The following MTOR variants were observed in gnomAD, a reference collection of about 807,000 sequenced individuals.
MTOR encodes serine/threonine-protein kinase mTOR.
A neutral mutation model predicts 319.8 loss-of-function variants in MTOR; 70 were observed. The ratio of observed to expected loss-of-function variants is 0.22; its 90% CI spans 0.18 to 0.27. MTOR has a LOEUF of 0.27. Ranked by LOEUF, MTOR falls within the 10% of genes least tolerant of loss-of-function variation. The pLI, the probability that MTOR is intolerant of heterozygous loss-of-function variation, is 1.00. For synonymous variants in MTOR, 1,183 were observed against 1,211.4 expected, an observed-to-expected ratio of 0.98 and a Z score of 0.49; for missense variants, 1,890 against 3,274.4, an observed-to-expected ratio of 0.58 and a Z score of 10.32.
intron 26 of MTOR, among the ~76,000 whole-genome samples, chr1:11,203,796 CCTTT>C (rs1194061520): frequency 1.3e-5 from 2 of 152,228 alleles, no homozygotes; most frequent in African/African-American, 4.8e-5. Flanking sequence ...ATGTCTTCTT[CCTTT>C]GAGCCTGACT....
At chr1:11,202,211 CGA>C (rs780829211) in intron 26 of MTOR, among the ~76,000 whole-genome samples, 1 of 151,940 alleles carries the variant, frequency 6.6e-6, no homozygotes, top group African/African-American at 2.4e-5. Context: ...GGGCAGATTG[CGA>C]GGTCAGGAGA....
chr1:11,210,674 T>C, intron 24 of MTOR, 140 bp downstream of exon 24: 3 of 609,248 alleles, frequency 4.9e-6, no homozygotes, highest in Non-Finnish European at 8.6e-6. Flanking sequence ...AGAGACCACA[T>C]AGTCTACAAA....
chr1:11,187,982 G>GA lies in MTOR; in HGVS notation c.4253+11275dup, dbSNP rs373610043. On this transcript the variant is annotated intron_variant, in intron 28 of 57. Coordinates refer to ENST00000361445, the MANE Select transcript of MTOR (RefSeq NM_004958.4). Reference sequence around the variant, plus strand: ...ATCCTCCACTGCTTTTTGATTCTGAGAAAAAAAAAAATTGTTCAGTAACTC... The same window carrying GA: ...ATCCTCCACTGCTTTTTGATTCTGAGAAAAAAAAAAAATTGTTCAGTAACTC... Among the ~76,000 whole-genome samples the GA allele has an allele frequency of 8.7e-3, 1,286 of 148,206 alleles. 17 individuals carry two copies. Among genetic ancestry groups the GA allele is most frequent in the African/African-American group, 0.029 (1,187 of 40,710 alleles).
Position 11,243,134 on chromosome 1 carries a change from G to C in MTOR, c.1392C>G (p.Pro464=), listed in dbSNP as rs1442787240. ...RVLDIIRAAL[P]PKDFAHKRQK... ...CTTACTTATGGGCGAAGTCCTTTGG[G>C]GGCAGGGCCGCTCGGATGATGTCCA... is the stretch of plus-strand genomic sequence containing the variant. The change falls in exon 9 of 58, where the codon CCC becomes CCG. Residue 464 remains proline, a synonymous_variant. Coordinates refer to ENST00000361445, the MANE Select transcript of MTOR (RefSeq NM_004958.4). 9.3e-6 allele frequency: 15 copies of C among 1,614,152 alleles called. No individual in the cohort carries two copies. The highest frequency in any genetic ancestry group is 1.2e-5 in the Non-Finnish European group (14 of 1,180,046).
intron 54 of MTOR, chr1:11,111,244 C>A: frequency 2.3e-6 from 1 of 438,714 alleles, no homozygotes; most frequent in South Asian, 1.6e-5. Flanking sequence ...TTTGGGAGGC[C>A]GAGGCGGGCA....
intron 29 of MTOR, among the ~76,000 whole-genome samples, chr1:11,166,996 C>T (rs181664521): frequency 8.9e-4 from 135 of 152,218 alleles, no homozygotes; most frequent in Middle Eastern, 3.4e-3. Context: ...ATCGCAAAGA[C>T]AGAAAACCAA....
In MTOR at chr1:11,128,629, CT is replaced by C. The variant is rs2100418090; in HGVS notation, c.5812-78del. ...TTATTCTTCTAGGCAAAGATCAATT[CT>C]TTTAACTTGTTTCGGTTGATGCTCT... On this transcript the variant is annotated intron_variant, in intron 41 of 57. Coordinates refer to ENST00000361445, the MANE Select transcript of MTOR (RefSeq NM_004958.4). The surrounding 1 kb of genome is among the most constrained non-coding windows in gnomAD (Gnocchi z 5.3). The C allele has an allele frequency of 3.1e-5, 44 of 1,415,104 alleles. No homozygotes were observed. The highest frequency in any genetic ancestry group is 4.2e-5 in the Non-Finnish European group (42 of 1,004,606). 87.7% of individuals were successfully genotyped at this position (1,415,104 alleles called of 1,614,324 possible). A position where few individuals can be genotyped will look rare whatever the true frequency, so the allele number is the denominator to read the frequency against.
chr1:11,231,660 C>T (rs1454323247), intron 16 of MTOR, among the ~76,000 whole-genome samples: 3 of 152,150 alleles, frequency 2.0e-5, no homozygotes, highest in Non-Finnish European at 4.4e-5. Flanking sequence ...AAAGAAAATT[C>T]CCACCTTTCT....
At position 11,234,178 on chromosome 1, in the gene MTOR, G is replaced by T; in HGVS notation, c.2296C>A (p.Arg766=). The T allele has an allele frequency of 1.2e-6, 2 of 1,614,066 alleles. No individual in the cohort carries two copies. The highest frequency in any genetic ancestry group is 1.7e-6 in the Non-Finnish European group (2 of 1,180,002). ...MLGHLVSNAP[R]LIRPYMEPIL... is the part of the protein sequence containing the mutation. ...GGCTCCATGTAGGGGCGGATGAGTC[G>T]GGGGGCATTGGAGACCAGGTGCCCC... Residue 766 remains arginine (R), a synonymous_variant, in exon 14 of 58, where the codon CGA becomes AGA. Coordinates refer to ENST00000361445, the MANE Select transcript of MTOR (RefSeq NM_004958.4).
intron 19 of MTOR, among the ~76,000 whole-genome samples, chr1:11,221,987 C>G (rs1646678091): frequency 1.3e-5 from 2 of 150,662 alleles, no homozygotes; most frequent in African/African-American, 4.9e-5. Flanking sequence ...ACTGATACTC[C>G]AAAGAATGAG....
chr1:11,239,791 G>C (rs1647750905), intron 11 of MTOR, among the ~76,000 whole-genome samples: 1 of 151,878 alleles, frequency 6.6e-6, no homozygotes, highest in Non-Finnish European at 1.5e-5. Context: ...TATAGTCCCA[G>C]CTACTCGGGA....
At chr1:11,189,537 A>T (rs1474939108) in intron 28 of MTOR, 8 of 1,541,272 alleles carry the variant, frequency 5.2e-6, no homozygotes, top group Non-Finnish European at 6.1e-6. Context: ...GCATCTCCAG[A>T]CTCCCCTGAA....
intron 47 of MTOR, among the ~76,000 whole-genome samples, chr1:11,123,609 C>G (rs1423065639): frequency 6.6e-6 from 1 of 152,070 alleles, no homozygotes; most frequent in Non-Finnish European, 1.5e-5. Context: ...GCTGGGACAA[C>G]AGGCATGAGC....
intron 6 of MTOR, among the ~76,000 whole-genome samples, chr1:11,250,974 AT>A (rs1486378559): frequency 5.3e-5 from 8 of 152,106 alleles, no homozygotes; most frequent in Non-Finnish European, 1.5e-5. Flanking sequence ...AGCCACAAAT[AT>A]CCCCCACTAA....
intron 49 of MTOR, among the ~76,000 whole-genome samples, chr1:11,118,346 C>T (rs188622825): frequency 0.021 from 2,195 of 104,390 alleles, 28 homozygotes; most frequent in Non-Finnish European, 0.037. Flanking sequence ...AAGCGATTCT[C>T]CTGCCTCAGC....
At chr1:11,153,116 A>G (rs894085282) in intron 30 of MTOR, among the ~76,000 whole-genome samples, 1 of 152,198 alleles carries the variant, frequency 6.6e-6, no homozygotes, top group Non-Finnish European at 1.5e-5. Flanking sequence ...GTCTCTTCCA[A>G]TGTATCCAAT....
Position 11,121,171 on chromosome 1 carries a change from G to A in MTOR, c.6933+75C>T. ...CAAAGAAGAGCCGCTGTGTGCACAT[G>A]AACAGATGGGAGGGCCATCCTATTG... On this transcript the variant is annotated intron_variant, in intron 49 of 57. Transcript: ENST00000361445. This position sits in a 1 kb window ranked among gnomAD's most constrained non-coding sequence, Gnocchi z 4.9. 1 of 1,590,096 alleles carries A rather than the reference G, an allele frequency of 6.3e-7. No homozygotes were observed. The highest frequency in any genetic ancestry group is 8.5e-7 in the Non-Finnish European group (1 of 1,171,572).
At chr1:11,247,517 G>C (rs1649005756) in intron 8 of MTOR, 108 bp downstream of exon 8, 1 of 909,406 alleles carries the variant, frequency 1.1e-6, no homozygotes, top group African/African-American at 1.6e-5. Context: ...AAAGAAATCA[G>C]AGATTTGTTG....
intron 1 of MTOR, among the ~76,000 whole-genome samples, chr1:11,260,838 G>A (rs1344394507): frequency 6.8e-6 from 1 of 147,600 alleles, no homozygotes; most frequent in East Asian, 2.0e-4. Context: ...CACCCAGGCT[G>A]GAGTGCAGTG....
Sources: allele counts gnomAD v4.1 joint callset (sites outside exome capture counted in the v4.1 genomes callset), GRCh38; gene constraint gnomAD v4.1.1; non-coding constraint Gnocchi (gnomAD v3.1); transcripts MANE v1.5; gene names NCBI Gene and HGNC (gene_info 2026-07-23, HGNC 2026-07-21).